Variants in SRPK1 observed in about 807,000 individuals in gnomAD.
SRPK1 encodes SFRS protein kinase 1.
In SRPK1, 52 loss-of-function variants were observed where a neutral mutation model predicts 89.5. That is an observed-to-expected ratio of 0.58 (90% CI 0.46 to 0.73). The LOEUF (loss-of-function observed/expected upper bound fraction) is 0.73. Ranked by LOEUF, SRPK1 falls within the 30% of genes least tolerant of loss-of-function variation. The probability of loss-of-function intolerance (pLI) is 0.00; values close to 1 mark genes in which losing one functional copy is unlikely to be tolerated. For missense variants in SRPK1, 603 were observed against 780.6 expected, an observed-to-expected ratio of 0.77 and a Z score of 2.71; for synonymous variants, 255 against 270.2, an observed-to-expected ratio of 0.94 and a Z score of 0.55.
At chr6:35,838,721 A>C (rs756937991) in intron 14 of SRPK1, 3 of 1,432,974 alleles carry the variant, frequency 2.1e-6, no homozygotes, top group Non-Finnish European at 2.8e-6. Flanking sequence ...TGACTGAAGA[A>C]GTCTTGTGAA....
intron 2 of SRPK1, among the ~76,000 whole-genome samples, chr6:35,919,389 T>C (rs373086521): frequency 2.2e-4 from 33 of 152,256 alleles, no homozygotes; most frequent in African/African-American, 6.7e-4. Flanking sequence ...CCTAATCTGG[T>C]ATTGTCATTC....
chr6:35,918,106 A>C (rs936786546), intron 2 of SRPK1, among the ~76,000 whole-genome samples: 4 of 152,380 alleles, frequency 2.6e-5, no homozygotes, highest in African/African-American at 9.6e-5. Context: ...TTGAACTTCT[A>C]ACACAGTACT....
chr6:35,841,169 G>A lies in SRPK1; in HGVS notation c.1690+1366C>T, dbSNP rs376959553. Reference sequence around the variant, plus strand: ...ATAACCCAGAAAAATAGCAAGCAGAGAGTAGGTAAAATCAAGTAGTAATTA... The same window carrying A: ...ATAACCCAGAAAAATAGCAAGCAGAAAGTAGGTAAAATCAAGTAGTAATTA... On this transcript the variant is annotated intron_variant, in intron 14 of 15. Transcript: ENST00000373825. Among the ~76,000 whole-genome samples, 11 of 152,240 alleles carry A rather than the reference G, an allele frequency of 7.2e-5. No homozygotes were observed. In the South Asian group the frequency reaches 2.1e-3, roughly 29 times the overall value.
chr6:35,917,324 T>C (rs1196130833), intron 2 of SRPK1, among the ~76,000 whole-genome samples: 6 of 152,192 alleles, frequency 3.9e-5, no homozygotes, highest in Non-Finnish European at 8.8e-5. Flanking sequence ...CCAAAAGCAC[T>C]GTCACTTAGA....
chr6:35,917,787 T>C (rs1304607996), intron 2 of SRPK1, among the ~76,000 whole-genome samples: 1 of 152,222 alleles, frequency 6.6e-6, no homozygotes, highest in Non-Finnish European at 1.5e-5. Context: ...AAAATTTTCA[T>C]TTAAACGCTT....
chr6:35,857,644 T>C (rs1029364469), intron 12 of SRPK1, among the ~76,000 whole-genome samples: 1 of 152,190 alleles, frequency 6.6e-6, no homozygotes. Flanking sequence ...TTAAAAATTG[T>C]TTTAGTAAAG....
chr6:35,846,470 TG>T (rs1308527929), intron 13 of SRPK1, among the ~76,000 whole-genome samples: 1 of 150,742 alleles, frequency 6.6e-6, no homozygotes, highest in Non-Finnish European at 1.5e-5. Flanking sequence ...CACATGCCTG[TG>T]GTCCCAGCTA....
At chr6:35,837,777 T>G (rs1457463248) in intron 15 of SRPK1, among the ~76,000 whole-genome samples, 1 of 151,872 alleles carries the variant, frequency 6.6e-6, no homozygotes, top group African/African-American at 2.4e-5. Flanking sequence ...AGGCTGGTCT[T>G]GAACTCCTAG....
intron 2 of SRPK1, among the ~76,000 whole-genome samples, chr6:35,918,208 G>GAAAGAA (rs10646545): frequency 0.31 from 47,657 of 151,712 alleles, 7,669 homozygotes; most frequent in South Asian, 0.42. Flanking sequence ...CAAAAAGGAA[G>GAAAGAA]AAAGAAAAAG....
intron 2 of SRPK1, among the ~76,000 whole-genome samples, chr6:35,909,372 A>G (rs998156862): frequency 1.3e-5 from 2 of 152,354 alleles, no homozygotes; most frequent in Admixed American, 1.3e-4. Flanking sequence ...CCCATTTGGA[A>G]TGGGAACATT....
chr6:35,865,271 G>C (rs529113351), intron 12 of SRPK1, among the ~76,000 whole-genome samples: 2 of 152,086 alleles, frequency 1.3e-5, no homozygotes, highest in South Asian at 4.2e-4. Flanking sequence ...CACATTGCAT[G>C]CCTGTATCAA....
intron 15 of SRPK1, among the ~76,000 whole-genome samples, chr6:35,837,322 CCTTTGGTAGAGG>C (rs1431790751): frequency 6.6e-6 from 1 of 152,132 alleles, no homozygotes; most frequent in Non-Finnish European, 1.5e-5. Context: ...AATTACCTGC[CCTTTGGTAGAGG>C]CAGTTCTTAG....
chr6:35,872,864 A>G, intron 7 of SRPK1, 136 bp from the exon 8 acceptor site: 2 of 779,542 alleles, frequency 2.6e-6, no homozygotes, highest in Non-Finnish European at 3.8e-6. Flanking sequence ...CACCTTTTAA[A>G]AAAGCACAAA....
At chr6:35,920,230 G>T in intron 2 of SRPK1, 1 of 612,564 alleles carries the variant, frequency 1.6e-6, no homozygotes. Flanking sequence ...GCGGGCTCTG[G>T]TCCTCCTCCG....
chr6:35,894,433 A>G (rs1180963852), intron 2 of SRPK1, among the ~76,000 whole-genome samples: 1 of 152,200 alleles, frequency 6.6e-6, no homozygotes, highest in Non-Finnish European at 1.5e-5. Flanking sequence ...ATAATGCTCA[A>G]AAAGAGATGA....
At chr6:35,847,283 G>A (rs1242451844) in intron 13 of SRPK1, among the ~76,000 whole-genome samples, 4 of 152,110 alleles carry the variant, frequency 2.6e-5, no homozygotes, top group Admixed American at 6.6e-5. Flanking sequence ...CATGGCTTGC[G>A]GTAGCCTCAA....
chr6:35,868,111 T>C (rs1319031478), intron 12 of SRPK1, among the ~76,000 whole-genome samples: 2 of 152,000 alleles, frequency 1.3e-5, no homozygotes, highest in East Asian at 3.9e-4. Context: ...TAGCTGGTAT[T>C]ACAGGCATGC....
chr6:35,864,337 ACT>A (rs1769849095), intron 12 of SRPK1, among the ~76,000 whole-genome samples: 1 of 140,068 alleles, frequency 7.1e-6, no homozygotes, highest in African/African-American at 2.6e-5. Flanking sequence ...AGCTCAAGCA[ACT>A]CTATAGGAAA....
intron 14 of SRPK1, among the ~76,000 whole-genome samples, chr6:35,841,798 C>G (rs1769313282): frequency 6.9e-6 from 1 of 145,210 alleles, no homozygotes; most frequent in Non-Finnish European, 1.5e-5. Context: ...CACCACCGCA[C>G]TCCAGCCTGG....
Sources: gnomAD v4.1 joint callset for allele counts (sites outside exome capture counted in the v4.1 genomes callset) on GRCh38, gnomAD v4.1.1 for gene constraint, MANE v1.5 for transcripts, NCBI Gene and HGNC (gene_info 2026-07-23, HGNC 2026-07-21) for gene names.